MEF2C: variants seen among roughly 807,000 people sequenced by gnomAD.
The protein encoded by MEF2C is myocyte-specific enhancer factor 2C.
MEF2C carries 6 observed loss-of-function variants against 50.5 expected under a neutral mutation model. The observed-to-expected ratio is 0.12, with a 90% CI of 0.07 to 0.23. The LOEUF (loss-of-function observed/expected upper bound fraction) is 0.23. MEF2C is among the 10% of genes least tolerant of loss of function. MEF2C has a pLI of 1.00. For synonymous variants in MEF2C, 183 were observed against 228.0 expected, an observed-to-expected ratio of 0.80 and a Z score of 1.78; for missense variants, 276 against 605.0, an observed-to-expected ratio of 0.46 and a Z score of 5.70.
intron 1 of MEF2C, among the ~76,000 whole-genome samples, chr5:88,863,277 A>G (rs1189056972): frequency 6.6e-6 from 1 of 152,248 alleles, no homozygotes; most frequent in African/African-American, 2.4e-5. Flanking sequence ...GAATTCCTCA[A>G]CAACAGAGTT....
intron 1 of MEF2C, among the ~76,000 whole-genome samples, chr5:88,849,773 T>A (rs75844230): frequency 6.6e-6 from 1 of 152,080 alleles, no homozygotes; most frequent in Admixed American, 6.5e-5. Flanking sequence ...AATACTTTTT[T>A]AAAAAAACAC....
chr5:88,729,700 A>G (rs1375137204), intron 8 of MEF2C, among the ~76,000 whole-genome samples: 4 of 152,124 alleles, frequency 2.6e-5, no homozygotes, highest in Admixed American at 2.6e-4. Context: ...AAAAATTAAA[A>G]TCAACCATGG....
At chr5:88,735,033 A>G (rs1763526180) in intron 6 of MEF2C, 1 of 985,388 alleles carries the variant, frequency 1.0e-6, no homozygotes, top group East Asian at 1.1e-4. Flanking sequence ...TCCAGCCACC[A>G]AATTGTTATT....
intron 1 of MEF2C, among the ~76,000 whole-genome samples, chr5:88,874,862 CAAAT>C (rs1296312494): frequency 1.3e-5 from 2 of 151,742 alleles, no homozygotes; most frequent in Non-Finnish European, 2.9e-5. Flanking sequence ...AAAATTAGAA[CAAAT>C]ATTTATTAAG....
chr5:88,861,027 G>GA (rs1825324751), intron 1 of MEF2C, among the ~76,000 whole-genome samples: 4 of 152,162 alleles, frequency 2.6e-5, no homozygotes, highest in Admixed American at 2.0e-4. Context: ...AAACTGGAAT[G>GA]ATGCGGCTGG....
At chr5:88,808,982 C>A (rs901292972) in intron 2 of MEF2C, among the ~76,000 whole-genome samples, 2 of 152,126 alleles carry the variant, frequency 1.3e-5, no homozygotes, top group Non-Finnish European at 2.9e-5. Context: ...AAGAGTCTCT[C>A]TTTTCCAGTA....
In MEF2C at chr5:88,719,331, A is replaced by C. The variant is rs934678006; in HGVS notation, c.*3273T>G. 2.0e-5 allele frequency: 3 copies of C among 152,248 alleles called. No homozygotes were observed. Among genetic ancestry groups the C allele is most frequent in the Admixed American group, 2.0e-4 (3 of 15,290 alleles). The allele number at this position is 152,248 out of a possible 1,614,324, so 9.4% of individuals were successfully genotyped here. On this transcript the variant is annotated 3_prime_UTR_variant, in exon 11 of 11. Transcript: ENST00000504921. ...AAAATAAGCCATTTTACTAAAAAAC[A>C]CAATTTTTAAAAAGGTTGAAATAAA...
chr5:88,742,229 T>C (rs1477047695), intron 6 of MEF2C: 1 of 985,208 alleles, frequency 1.0e-6, no homozygotes, highest in East Asian at 1.1e-4. Context: ...ACATCACTGA[T>C]GATTATGAAA....
At chr5:88,763,556 A>G (rs1260899622) in intron 3 of MEF2C, among the ~76,000 whole-genome samples, 1 of 152,132 alleles carries the variant, frequency 6.6e-6, no homozygotes, top group Admixed American at 6.6e-5. Flanking sequence ...ATTTTTCATT[A>G]GAATTCATTT....
At chr5:88,742,949 A>T in intron 6 of MEF2C, 1 of 973,672 alleles carries the variant, frequency 1.0e-6, no homozygotes, top group African/African-American at 1.8e-5. Flanking sequence ...ATTGTTACTT[A>T]ATTTCATAAA....
intron 3 of MEF2C, among the ~76,000 whole-genome samples, chr5:88,778,188 G>A (rs1388334533): frequency 2.0e-5 from 3 of 152,178 alleles, no homozygotes; most frequent in South Asian, 2.1e-4. Context: ...GATTACAAGC[G>A]TGAGCCACCA....
At chr5:88,788,178 G>GTTTGTTTGTTTATTTATTTA (rs71613095) in intron 3 of MEF2C, among the ~76,000 whole-genome samples, 1 of 89,096 alleles carries the variant, frequency 1.1e-5, no homozygotes, top group Non-Finnish European at 2.7e-5. Flanking sequence ...TTGTTTGTTT[G>GTTTGTTTGTTTATTTATTTA]TTTATTTATT....
intron 6 of MEF2C, chr5:88,741,754 C>G: frequency 1.0e-6 from 1 of 984,916 alleles, no homozygotes; most frequent in Non-Finnish European, 1.2e-6. Context: ...GGTGGGTGGA[C>G]TCTAAGGTCA....
At chr5:88,855,396 ATT>A (rs1225573927) in intron 1 of MEF2C, among the ~76,000 whole-genome samples, 1 of 152,182 alleles carries the variant, frequency 6.6e-6, no homozygotes, top group Non-Finnish European at 1.5e-5. Context: ...GATTTTGGAT[ATT>A]TTTTCCTTAA....
Position 88,823,842 on chromosome 5 carries a change from C to G in MEF2C, c.-54G>C, listed in dbSNP as rs1439351278. 1 of 1,600,540 alleles carries G rather than the reference C, an allele frequency of 6.2e-7. No homozygotes were observed. Among genetic ancestry groups the G allele is most frequent in the East Asian group, 2.2e-5 (1 of 44,556 alleles). Reference sequence around the variant, plus strand: ...CCTGAAATTATGTATTTTTTCCTTCCTTTTCTTTCTCTTTCCTGTTTCCTC... The same window carrying G: ...CCTGAAATTATGTATTTTTTCCTTCGTTTTCTTTCTCTTTCCTGTTTCCTC... On this transcript the variant is annotated 5_prime_UTR_variant, in exon 2 of 11. Transcript: ENST00000504921.
intron 2 of MEF2C, among the ~76,000 whole-genome samples, chr5:88,806,474 C>T (rs1248142621): frequency 2.0e-5 from 3 of 152,136 alleles, no homozygotes; most frequent in Non-Finnish European, 4.4e-5. Context: ...TAAACTCAGT[C>T]ATCCAAACTA....
At chr5:88,888,720 G>GT (rs11331197) in intron 1 of MEF2C, among the ~76,000 whole-genome samples, 4,514 of 143,826 alleles carry the variant, frequency 0.031, 72 homozygotes, top group South Asian at 0.045. Flanking sequence ...GTATGGTAAG[G>GT]TTTTTTTTTT....
At chr5:88,887,756 G>T (rs550181573), upstream of MEF2C, among the ~76,000 whole-genome samples, 1 of 152,290 alleles carries the variant, frequency 6.6e-6, no homozygotes, top group South Asian at 2.1e-4. Flanking sequence ...AAATTGTCAT[G>T]CATTGTGATA....
intron 2 of MEF2C, among the ~76,000 whole-genome samples, chr5:88,816,216 T>A (rs1393578823): frequency 6.6e-6 from 1 of 152,038 alleles, no homozygotes; most frequent in Non-Finnish European, 1.5e-5. Context: ...GGAAAGTGAA[T>A]GAATGAGATT....
Sources: gnomAD v4.1 joint callset for allele counts (sites outside exome capture counted in the v4.1 genomes callset) on GRCh38, gnomAD v4.1.1 for gene constraint, MANE v1.5 for transcripts, NCBI Gene and HGNC (gene_info 2026-07-23, HGNC 2026-07-21) for gene names.